The following KCTD8 variants were observed in gnomAD, a reference collection of about 807,000 sequenced individuals.
The protein encoded by KCTD8 is BTB/POZ domain-containing protein KCTD8.
In KCTD8, 27 loss-of-function variants were observed where a neutral mutation model predicts 31.5. The ratio of observed to expected loss-of-function variants is 0.86; its 90% CI spans 0.63 to 1.18. KCTD8 has a LOEUF of 1.18. Ranked by LOEUF, KCTD8 falls within the 50% of genes most tolerant of loss-of-function variation. The pLI is 0.00. For synonymous variants in KCTD8, 290 were observed against 280.0 expected (o/e 1.04, Z -0.36); for missense variants, 658 against 647.7 (o/e 1.02, Z -0.17).
At chr4:44,406,327 T>C (rs925502270) in intron 1 of KCTD8, among the ~76,000 whole-genome samples, 4 of 152,180 alleles carry the variant, frequency 2.6e-5, no homozygotes, top group African/African-American at 9.6e-5. Flanking sequence ...GCTTTGGCTC[T>C]GTGTCCCCAC....
At chr4:44,402,629 A>C (rs1221055224) in intron 1 of KCTD8, among the ~76,000 whole-genome samples, 1 of 152,096 alleles carries the variant, frequency 6.6e-6, no homozygotes, top group Non-Finnish European at 1.5e-5. Context: ...GGGCCCTAGA[A>C]ATGTATTTAC....
rs2109362920 is a variant in KCTD8 at position 44,254,574 on chromosome 4, T to A, written c.962-79324A>T. On this transcript the variant is annotated intron_variant, in intron 1 of 1. Transcript: ENST00000360029. ...CTTTTCTCCAGTTATTTTCTGTAAA[T>A]CTCAGTCACTTCTGTAGCCCTCAAT... Among the ~76,000 whole-genome samples the A allele has an allele frequency of 2.7e-5, 4 of 148,010 alleles. No individual in the cohort carries two copies. In the Middle Eastern group the frequency reaches 0.014, roughly 514 times the overall value.
At chr4:44,290,626 G>T (rs1020302520) in intron 1 of KCTD8, among the ~76,000 whole-genome samples, 1 of 152,056 alleles carries the variant, frequency 6.6e-6, no homozygotes, top group African/African-American at 2.4e-5. Context: ...GGACCACAGT[G>T]CAATAAAAAT....
chr4:44,319,528 A>C (rs906837848), intron 1 of KCTD8, among the ~76,000 whole-genome samples: 1 of 152,018 alleles, frequency 6.6e-6, no homozygotes, highest in Non-Finnish European at 1.5e-5. Flanking sequence ...GGATTACAGT[A>C]AAATGCTTAA....
chr4:44,299,067 C>G (rs998670263), intron 1 of KCTD8, among the ~76,000 whole-genome samples: 1 of 152,122 alleles, frequency 6.6e-6, no homozygotes, highest in African/African-American at 2.4e-5. Flanking sequence ...CTAAAACTTA[C>G]TTTCAAGTAC....
At chr4:44,314,550 T>G (rs895044187) in intron 1 of KCTD8, among the ~76,000 whole-genome samples, 4 of 152,146 alleles carry the variant, frequency 2.6e-5, no homozygotes, top group African/African-American at 9.7e-5. Flanking sequence ...TAAGAATGAA[T>G]AATGTTTCCT....
intron 1 of KCTD8, among the ~76,000 whole-genome samples, chr4:44,436,176 CAA>C (rs1721639174): frequency 6.6e-6 from 1 of 152,100 alleles, no homozygotes; most frequent in African/African-American, 2.4e-5. Flanking sequence ...TGCCTAAAAA[CAA>C]AAGAGTCTTG....
At chr4:44,267,952 T>G (rs1362761212) in intron 1 of KCTD8, among the ~76,000 whole-genome samples, 1 of 152,096 alleles carries the variant, frequency 6.6e-6, no homozygotes, top group Non-Finnish European at 1.5e-5. Context: ...ACAGCAGAAT[T>G]CCACCAGAGG....
At chr4:44,435,426 C>A (rs1721619360) in intron 1 of KCTD8, among the ~76,000 whole-genome samples, 3 of 151,952 alleles carry the variant, frequency 2.0e-5, no homozygotes, top group Non-Finnish European at 4.4e-5. Flanking sequence ...TTATTCTAGA[C>A]TCTAATATGA....
chr4:44,292,473 A>C (rs1312884332), intron 1 of KCTD8, among the ~76,000 whole-genome samples: 1 of 152,052 alleles, frequency 6.6e-6, no homozygotes, highest in Non-Finnish European at 1.5e-5. Context: ...GGATTACTAG[A>C]AGTAGAGAGG....
At chr4:44,353,738 T>C (rs1719275605) in intron 1 of KCTD8, among the ~76,000 whole-genome samples, 2 of 152,098 alleles carry the variant, frequency 1.3e-5, no homozygotes, top group African/African-American at 2.4e-5. Flanking sequence ...CTGGCTTATA[T>C]CACTTAACAT....
At chr4:44,311,268 T>C (rs1223308266) in intron 1 of KCTD8, among the ~76,000 whole-genome samples, 2 of 151,992 alleles carry the variant, frequency 1.3e-5, no homozygotes, top group Non-Finnish European at 2.9e-5. Context: ...GCACGTGTGC[T>C]CTCTCTCTCT....
intron 1 of KCTD8, among the ~76,000 whole-genome samples, chr4:44,294,616 A>G (rs1717376788): frequency 6.6e-6 from 1 of 152,204 alleles, no homozygotes; most frequent in African/African-American, 2.4e-5. Flanking sequence ...TTTTCATGAT[A>G]GCTTGTCCCC....
chr4:44,259,282 C>T (rs553507539), intron 1 of KCTD8, among the ~76,000 whole-genome samples: 74 of 151,742 alleles, frequency 4.9e-4, no homozygotes, highest in Non-Finnish European at 7.7e-4. Flanking sequence ...ATTATTAATA[C>T]ATGTTTCTTT....
intron 1 of KCTD8, among the ~76,000 whole-genome samples, chr4:44,440,691 T>C (rs1437492589): frequency 6.6e-6 from 1 of 152,216 alleles, no homozygotes; most frequent in African/African-American, 2.4e-5. Context: ...GTTCTTAATG[T>C]GGCCTTAGCC....
At chr4:44,350,770 A>G (rs909148757) in intron 1 of KCTD8, among the ~76,000 whole-genome samples, 4 of 152,152 alleles carry the variant, frequency 2.6e-5, no homozygotes. Context: ...GAAAAACTAG[A>G]CTATCATTTC....
intron 1 of KCTD8, among the ~76,000 whole-genome samples, chr4:44,267,216 A>C (rs1577583610): frequency 6.6e-6 from 1 of 152,352 alleles, no homozygotes; most frequent in East Asian, 1.9e-4. Context: ...AGTGCAATCA[A>C]ACTAGAACTC....
At chr4:44,312,285 C>T (rs922026744) in intron 1 of KCTD8, among the ~76,000 whole-genome samples, 2 of 151,862 alleles carry the variant, frequency 1.3e-5, no homozygotes, top group Non-Finnish European at 2.9e-5. Flanking sequence ...AGGTAACTTA[C>T]TTGAAAGGAC....
At chr4:44,254,239 G>C (rs559891142) in intron 1 of KCTD8, among the ~76,000 whole-genome samples, 2 of 151,998 alleles carry the variant, frequency 1.3e-5, no homozygotes, top group East Asian at 3.9e-4. Flanking sequence ...ACATTTCCAA[G>C]CTAGGAATTA....
Sources: allele counts gnomAD v4.1 joint callset (sites outside exome capture counted in the v4.1 genomes callset), GRCh38; gene constraint gnomAD v4.1.1; transcripts MANE v1.5; gene names NCBI Gene and HGNC (gene_info 2026-07-23, HGNC 2026-07-21).